FYB1: variants seen among roughly 807,000 people sequenced by gnomAD.
The protein encoded by FYB1 is FYN-binding protein 1.
Under a neutral mutation model 94.1 loss-of-function variants are expected in FYB1, and 41 were observed. That is an observed-to-expected ratio of 0.44 (90% CI 0.34 to 0.57). FYB1 has a LOEUF of 0.57. Ranked by LOEUF, FYB1 falls within the 20% of genes least tolerant of loss-of-function variation. The probability of loss-of-function intolerance (pLI) is 0.02; values close to 1 mark genes in which losing one functional copy is unlikely to be tolerated. For synonymous variants in FYB1, 367 were observed against 353.2 expected, an observed-to-expected ratio of 1.04 and a Z score of -0.44; for missense variants, 1,050 against 976.8, an observed-to-expected ratio of 1.07 and a Z score of -1.00.
At chr5:39,114,596 A>C (rs1739358901) in intron 16 of FYB1, among the ~76,000 whole-genome samples, 1 of 152,214 alleles carries the variant, frequency 6.6e-6, no homozygotes, top group Admixed American at 6.5e-5. Flanking sequence ...GTAATCAAAG[A>C]TGCAGAAATA....
At chr5:39,175,049 T>G (rs756320974) in intron 2 of FYB1, among the ~76,000 whole-genome samples, 1 of 152,070 alleles carries the variant, frequency 6.6e-6, no homozygotes, top group African/African-American at 2.4e-5. Context: ...GCGTTTGTGG[T>G]GGGATGATTA....
chr5:39,252,023 T>C (rs12653910), intron 1 of FYB1, among the ~76,000 whole-genome samples: 48,919 of 151,972 alleles, frequency 0.32, 9,575 homozygotes, highest in African/African-American at 0.56. Context: ...CGGGCGCCTG[T>C]AGTCCCAGCT....
At chr5:39,260,240 T>G (rs1167550442) in intron 1 of FYB1, among the ~76,000 whole-genome samples, 1 of 152,138 alleles carries the variant, frequency 6.6e-6, no homozygotes, top group Non-Finnish European at 1.5e-5. Flanking sequence ...GATCAGAGAT[T>G]GGCAACTATA....
chr5:39,209,329 GTTTT>G lies in FYB1; in HGVS notation c.-27-6346_-27-6343del, dbSNP rs5867446. Among the ~76,000 whole-genome samples, 404 of 135,712 alleles carry G rather than the reference GTTTT, an allele frequency of 3.0e-3. 2 individuals are homozygous for G. Among genetic ancestry groups the G allele is most frequent in the Middle Eastern group, 0.011 (3 of 274 alleles). 89.0% of individuals were successfully genotyped at this position (135,712 alleles called of 152,430 possible). ...ATCCCGATTAACACTGTTTAAATAT[GTTTT>G]TTTTTTTTTTTGAGACGGAGCCTCC... is the stretch of plus-strand genomic sequence containing the variant. On this transcript the variant is annotated intron_variant, in intron 1 of 18. Coordinates refer to ENST00000512982, the MANE Select transcript of FYB1 (RefSeq NM_001465.6).
intron 2 of FYB1, among the ~76,000 whole-genome samples, chr5:39,189,818 C>T (rs899969264): frequency 6.6e-6 from 1 of 152,188 alleles, no homozygotes; most frequent in African/African-American, 2.4e-5. Context: ...CACACACATG[C>T]CTTTGATAAG....
At position 39,106,401 on chromosome 5, in the gene FYB1, A is replaced by G. The variant is rs1760377091; in HGVS notation, c.*1042T>C. 6.6e-6 allele frequency: 1 copy of G among 152,258 alleles called. No individual in the cohort carries two copies. The highest frequency in any genetic ancestry group is 1.5e-5 in the Non-Finnish European group (1 of 67,998). 9.4% of individuals were successfully genotyped at this position (152,258 alleles called of 1,614,324 possible). A position where few individuals can be genotyped will look rare whatever the true frequency, so the allele number is the denominator to read the frequency against. Reference sequence around the variant, plus strand: ...TTAGTGTTCTTAACATTTGAAACCCAAATGGTTCACATTTTGTTTTTGGAT... The same window carrying G: ...TTAGTGTTCTTAACATTTGAAACCCGAATGGTTCACATTTTGTTTTTGGAT... On this transcript the variant is annotated 3_prime_UTR_variant, in exon 19 of 19. Transcript: ENST00000512982.
chr5:39,152,277 T>C (rs1316892883), intron 3 of FYB1, among the ~76,000 whole-genome samples: 2 of 152,202 alleles, frequency 1.3e-5, no homozygotes, highest in Non-Finnish European at 2.9e-5. Context: ...CAAGAAAGCA[T>C]ATTAAAGTTA....
intron 2 of FYB1, among the ~76,000 whole-genome samples, chr5:39,164,606 T>C (rs1175227393): frequency 6.6e-6 from 1 of 152,126 alleles, no homozygotes; most frequent in Non-Finnish European, 1.5e-5. Flanking sequence ...GTATTTTTAG[T>C]AGAGACAGGA....
upstream of FYB1, among the ~76,000 whole-genome samples, chr5:39,223,902 G>C (rs991134158): frequency 6.6e-6 from 1 of 151,946 alleles, no homozygotes; most frequent in Admixed American, 6.6e-5. Context: ...ATTTTCTACT[G>C]TCCCTATCTC....
intron 1 of FYB1, among the ~76,000 whole-genome samples, chr5:39,240,111 T>G (rs1645737): frequency 0.17 from 25,590 of 152,066 alleles, 5,751 homozygotes; most frequent in African/African-American, 0.5. Context: ...TGGGATAACT[T>G]GCTAGCCACA....
chr5:39,128,887 A>G (rs1033726982), intron 10 of FYB1, among the ~76,000 whole-genome samples: 2 of 152,156 alleles, frequency 1.3e-5, no homozygotes, highest in African/African-American at 4.8e-5. Flanking sequence ...AATATTGCTA[A>G]AAGGACCATA....
At chr5:39,190,933 G>T (rs1456369553) in intron 2 of FYB1, among the ~76,000 whole-genome samples, 1 of 152,138 alleles carries the variant, frequency 6.6e-6, no homozygotes, top group Non-Finnish European at 1.5e-5. Context: ...GAGAGCACAT[G>T]AGGCAACCTC....
Position 39,177,228 on chromosome 5 carries a change from T to C in FYB1, c.1136-23624A>G, listed in dbSNP as rs150661867. Among the ~76,000 whole-genome samples the C allele has an allele frequency of 2.3e-4, 35 of 152,330 alleles. No homozygotes were observed. The East Asian group carries it at 6.6e-3, about 29-fold the overall frequency. Reference sequence around the variant, plus strand: ...CACCTATCTTGTTTCCTGAGGGCTGTGGCTAACCTCCAAAGTTTATTGTTT... The same window carrying C: ...CACCTATCTTGTTTCCTGAGGGCTGCGGCTAACCTCCAAAGTTTATTGTTT... On this transcript the variant is annotated intron_variant, in intron 2 of 18. Transcript: ENST00000512982.
chr5:39,206,886 T>C (rs1190822456), intron 1 of FYB1, among the ~76,000 whole-genome samples: 1 of 152,204 alleles, frequency 6.6e-6, no homozygotes, highest in Non-Finnish European at 1.5e-5. Flanking sequence ...ACCTTGCCTT[T>C]TTCTAGGGCT....
intron 1 of FYB1, among the ~76,000 whole-genome samples, chr5:39,238,954 G>A (rs1270453336): frequency 6.6e-6 from 1 of 152,016 alleles, no homozygotes. Context: ...TGCTCATGGA[G>A]ACTTATGTGT....
At chr5:39,134,060 A>G (rs1741440480) in intron 9 of FYB1, 148 bp downstream of exon 9, 3 of 537,198 alleles carry the variant, frequency 5.6e-6, no homozygotes, top group Non-Finnish European at 9.8e-6. Flanking sequence ...ACGACCTTTC[A>G]CCCATGTTGG....
At chr5:39,119,673 A>T (rs2150280141) in intron 14 of FYB1, 39 bp from the exon 15 acceptor site, 1 of 1,439,332 alleles carries the variant, frequency 6.9e-7, no homozygotes. Context: ...CACTTTGTTT[A>T]GAAAATTAAA....
chr5:39,135,180 G>A (rs772118794), intron 7 of FYB1, among the ~76,000 whole-genome samples, 166 bp from the exon 8 acceptor site: 2 of 152,142 alleles, frequency 1.3e-5, no homozygotes, highest in African/African-American at 4.8e-5. Context: ...TATAGGAGGG[G>A]TTAGGGAAAA....
intron 3 of FYB1, among the ~76,000 whole-genome samples, chr5:39,146,294 G>T (rs970811747): frequency 6.6e-6 from 1 of 152,034 alleles, no homozygotes; most frequent in African/African-American, 2.4e-5. Context: ...TCATTGCATT[G>T]CTTCTCTGCA....
Sources: allele counts gnomAD v4.1 joint callset (sites outside exome capture counted in the v4.1 genomes callset), GRCh38; gene constraint gnomAD v4.1.1; transcripts MANE v1.5; gene names NCBI Gene and HGNC (gene_info 2026-07-23, HGNC 2026-07-21).